Variants in ERC2 observed in about 807,000 individuals in gnomAD.
ERC2 encodes ERC protein 2.
ERC2 carries 42 observed loss-of-function variants against 114.8 expected under a neutral mutation model. The ratio of observed to expected loss-of-function variants is 0.37; its 90% CI spans 0.29 to 0.47. The LOEUF is 0.47. Among genes scored for constraint, ERC2 ranks in the 20% least tolerant of loss-of-function variants. The pLI is 0.99. For synonymous variants in ERC2, 454 were observed against 425.5 expected, an observed-to-expected ratio of 1.07 and a Z score of -0.82; for missense variants, 939 against 1,150.7, an observed-to-expected ratio of 0.82 and a Z score of 2.66.
At chr3:56,384,763 T>C (rs13064525) in intron 2 of ERC2, among the ~76,000 whole-genome samples, 41,406 of 152,064 alleles carry the variant, frequency 0.27, 5,802 homozygotes, top group Admixed American at 0.3. Context: ...CTACCTAAGA[T>C]ATCACTTCCA....
intron 2 of ERC2, among the ~76,000 whole-genome samples, chr3:56,386,240 C>T (rs1292979769): frequency 2.0e-5 from 3 of 152,186 alleles, no homozygotes; most frequent in South Asian, 4.1e-4. Flanking sequence ...AACTCAGTGA[C>T]AGCAAAAAAC....
intron 17 of ERC2, among the ~76,000 whole-genome samples, chr3:55,547,277 T>G (rs899890588): frequency 6.6e-6 from 1 of 152,244 alleles, no homozygotes; most frequent in African/African-American, 2.4e-5. Context: ...CCTTTCATCC[T>G]CTACATCGGC....
chr3:56,187,114 T>C (rs2083672752), intron 3 of ERC2, among the ~76,000 whole-genome samples: 1 of 152,160 alleles, frequency 6.6e-6, no homozygotes. Context: ...GAGTAAGCTA[T>C]GCTGTAGTCT....
At chr3:55,521,826 G>T (rs1042823954) in intron 17 of ERC2, among the ~76,000 whole-genome samples, 1 of 152,220 alleles carries the variant, frequency 6.6e-6, no homozygotes, top group African/African-American at 2.4e-5. Flanking sequence ...AGTGACTGAG[G>T]TTGCTCCTTT....
At chr3:56,089,696 C>A (rs2077685137) in intron 6 of ERC2, among the ~76,000 whole-genome samples, 1 of 151,954 alleles carries the variant, frequency 6.6e-6, no homozygotes, top group Non-Finnish European at 1.5e-5. Flanking sequence ...GTCTATGACT[C>A]CTGTAAGCCC....
chr3:56,334,052 C>T (rs2057747333), intron 2 of ERC2, among the ~76,000 whole-genome samples: 1 of 152,168 alleles, frequency 6.6e-6, no homozygotes, highest in African/African-American at 2.4e-5. Context: ...TTGTTTAATC[C>T]CAAAAGCAAC....
chr3:56,023,397 C>T (rs1034818125), intron 7 of ERC2, among the ~76,000 whole-genome samples: 4 of 152,114 alleles, frequency 2.6e-5, no homozygotes, highest in South Asian at 2.1e-4. Context: ...CTGGCCCTGC[C>T]GAATCACTAG....
At position 56,435,102 on chromosome 3, in the gene ERC2, G is replaced by A. The variant is rs576768594; in HGVS notation, c.-95C>T. On this transcript the variant is annotated 5_prime_UTR_variant, in exon 2 of 18. Transcript: ENST00000288221. ...TCCACGATTGTCCAGAATTTTCACC[G>A]CATTCTTTTCACAGTCCGTACCAGA... 2.5e-5 allele frequency: 23 copies of A among 937,404 alleles called. No homozygotes were observed. The highest frequency in any genetic ancestry group is 3.5e-5 in the South Asian group (2 of 57,694). The allele number at this position is 937,404 out of a possible 1,614,324, so 58.1% of individuals were successfully genotyped here. A position where few individuals can be genotyped will look rare whatever the true frequency, so the allele number is the denominator to read the frequency against.
Position 56,081,003 on chromosome 3 carries a change from CAGA to C in ERC2, c.1474-22_1474-20del. 1 of 1,609,430 alleles carries C rather than the reference CAGA, an allele frequency of 6.2e-7. No individual in the cohort carries two copies. Among genetic ancestry groups the C allele is most frequent in the Non-Finnish European group, 8.5e-7 (1 of 1,177,792 alleles). ...CATCTACCTGAAATCAGGAAAAAGA[CAGA>C]AGGTTGTGGTTTTACAGAAAGGTCA... On this transcript the variant is annotated intron_variant, in intron 6 of 17. Coordinates refer to ENST00000288221, the MANE Select transcript of ERC2 (RefSeq NM_015576.3).
At chr3:56,263,178 T>G (rs528651205) in intron 3 of ERC2, among the ~76,000 whole-genome samples, 1 of 152,302 alleles carries the variant, frequency 6.6e-6, no homozygotes, top group Admixed American at 6.5e-5. Flanking sequence ...CTTTTGATTT[T>G]CTCACTGATT....
chr3:56,036,298 C>T (rs78515000), intron 7 of ERC2, among the ~76,000 whole-genome samples: 1,731 of 152,228 alleles, frequency 0.011, 5 homozygotes, highest in Middle Eastern at 0.021. Context: ...ATCAGGGACA[C>T]GACAAGGATG....
At chr3:55,549,009 C>T (rs767233068) in intron 17 of ERC2, among the ~76,000 whole-genome samples, 3 of 152,124 alleles carry the variant, frequency 2.0e-5, no homozygotes, top group Admixed American at 6.5e-5. Flanking sequence ...TGTAAGACAC[C>T]GTGCTATGCA....
chr3:55,789,029 A>G (rs990575820), intron 14 of ERC2, among the ~76,000 whole-genome samples: 3 of 152,018 alleles, frequency 2.0e-5, no homozygotes, highest in Non-Finnish European at 4.4e-5. Context: ...ATGGGATCAA[A>G]TGTCCTCTCC....
At chr3:56,113,987 G>A (rs564264501) in intron 6 of ERC2, among the ~76,000 whole-genome samples, 1 of 152,280 alleles carries the variant, frequency 6.6e-6, no homozygotes, top group East Asian at 1.9e-4. Context: ...GCAGCCTGCA[G>A]CCTGGCCATC....
At chr3:56,028,325 T>G (rs1437163172) in intron 7 of ERC2, among the ~76,000 whole-genome samples, 1 of 152,132 alleles carries the variant, frequency 6.6e-6, no homozygotes, top group East Asian at 1.9e-4. Context: ...AGTTTGTCTA[T>G]GTCATCAAAA....
At chr3:56,210,103 A>G (rs1474083887) in intron 3 of ERC2, among the ~76,000 whole-genome samples, 1 of 152,168 alleles carries the variant, frequency 6.6e-6, no homozygotes, top group Non-Finnish European at 1.5e-5. Context: ...TCCTGATCTC[A>G]TTTCTTCCTC....
intron 2 of ERC2, among the ~76,000 whole-genome samples, chr3:56,362,852 T>C (rs567832870): frequency 3.9e-5 from 6 of 152,204 alleles, no homozygotes; most frequent in Non-Finnish European, 8.8e-5. Context: ...TCTGTTATTG[T>C]AGTGTCTTTC....
intron 14 of ERC2, among the ~76,000 whole-genome samples, chr3:55,802,256 C>A (rs1285174840): frequency 1.3e-5 from 2 of 152,182 alleles, no homozygotes; most frequent in Non-Finnish European, 2.9e-5. Context: ...CTTTTCCCAA[C>A]AAATGCTTTT....
At chr3:55,563,565 TA>T (rs1398900690) in intron 17 of ERC2, among the ~76,000 whole-genome samples, 1 of 152,144 alleles carries the variant, frequency 6.6e-6, no homozygotes, top group Non-Finnish European at 1.5e-5. Context: ...TGAGATCTGA[TA>T]AGAGAACACT....
Sources: gnomAD v4.1 joint callset for allele counts (sites outside exome capture counted in the v4.1 genomes callset) on GRCh38, gnomAD v4.1.1 for gene constraint, MANE v1.5 for transcripts, NCBI Gene and HGNC (gene_info 2026-07-23, HGNC 2026-07-21) for gene names.